The following PCCA variants were observed in gnomAD, a reference collection of about 807,000 sequenced individuals.
The protein encoded by PCCA is propionyl-CoA carboxylase subunit alpha, also known as propionyl-CoA carboxylase alpha chain, mitochondrial.
PCCA carries 74 observed loss-of-function variants against 101.3 expected under a neutral mutation model. The observed-to-expected ratio is 0.73, with a 90% CI of 0.61 to 0.89. The LOEUF is 0.89. PCCA is among the 40% of genes least tolerant of loss of function. PCCA has a pLI of 0.00. For synonymous variants in PCCA, 294 were observed against 313.6 expected, an observed-to-expected ratio of 0.94 and a Z score of 0.66; for missense variants, 891 against 907.0, an observed-to-expected ratio of 0.98 and a Z score of 0.23.
intron 7 of PCCA, among the ~76,000 whole-genome samples, chr13:100,229,890 A>G (rs538299233): frequency 1.3e-5 from 2 of 152,348 alleles, no homozygotes; most frequent in South Asian, 4.1e-4. Flanking sequence ...CATTTCTAAC[A>G]GAAGCCTGTC....
intron 6 of PCCA, among the ~76,000 whole-genome samples, chr13:100,176,855 G>A (rs1444170265): frequency 6.6e-6 from 1 of 152,128 alleles, no homozygotes; most frequent in Non-Finnish European, 1.5e-5. Context: ...GAGAATATTA[G>A]TTTAGTAATG....
chr13:100,132,008 A>G (rs142128518), intron 4 of PCCA, among the ~76,000 whole-genome samples: 3 of 152,278 alleles, frequency 2.0e-5, no homozygotes, highest in Non-Finnish European at 2.9e-5. Flanking sequence ...GGGTGACAAG[A>G]GTTAGGTGAA....
At chr13:100,136,687 C>T (rs1392437407) in intron 4 of PCCA, among the ~76,000 whole-genome samples, 2 of 152,098 alleles carry the variant, frequency 1.3e-5, no homozygotes, top group South Asian at 4.1e-4. Context: ...CCAATTTATG[C>T]ACATAGAATT....
chr13:100,174,276 T>G (rs971591308), intron 6 of PCCA, among the ~76,000 whole-genome samples: 1 of 151,960 alleles, frequency 6.6e-6, no homozygotes, highest in Non-Finnish European at 1.5e-5. Flanking sequence ...GAAATTCTTT[T>G]TTACGAAGCC....
chr13:100,210,834 T>C (rs2059168502), intron 7 of PCCA, among the ~76,000 whole-genome samples: 1 of 152,202 alleles, frequency 6.6e-6, no homozygotes, highest in African/African-American at 2.4e-5. Flanking sequence ...ATTAGAAAAC[T>C]TGCCCCCTAG....
chr13:100,351,823 T>G (rs891058927), intron 18 of PCCA, among the ~76,000 whole-genome samples: 1 of 152,176 alleles, frequency 6.6e-6, no homozygotes, highest in Non-Finnish European at 1.5e-5. Context: ...CAGAACTACC[T>G]AGTCATCTTT....
chr13:100,152,676 G>C (rs2053480538), intron 4 of PCCA, among the ~76,000 whole-genome samples: 2 of 152,118 alleles, frequency 1.3e-5, no homozygotes, highest in Non-Finnish European at 2.9e-5. Flanking sequence ...TCGGTCTCCT[G>C]ACCTCGTGAT....
chr13:100,341,957 G>GTA (rs35822001), intron 18 of PCCA, among the ~76,000 whole-genome samples: 2,250 of 107,120 alleles, frequency 0.021, 91 homozygotes, highest in Non-Finnish European at 0.024. Flanking sequence ...ACCCTTCAAA[G>GTA]TATATATATA....
intron 11 of PCCA, among the ~76,000 whole-genome samples, chr13:100,269,753 TAGTA>T (rs1182287897): frequency 6.6e-5 from 10 of 152,170 alleles, no homozygotes; most frequent in South Asian, 2.1e-4. Flanking sequence ...TTTCTGAAAA[TAGTA>T]AGTGAGAATG....
chr13:100,389,393 G>A (rs1470805278), intron 19 of PCCA, among the ~76,000 whole-genome samples: 1 of 152,160 alleles, frequency 6.6e-6, no homozygotes, highest in African/African-American at 2.4e-5. Context: ...TGCAGGAACA[G>A]AAAACCAAAT....
chr13:100,337,057 C>T (rs1294317791), intron 17 of PCCA, among the ~76,000 whole-genome samples: 1 of 152,182 alleles, frequency 6.6e-6, no homozygotes, highest in Non-Finnish European at 1.5e-5. Flanking sequence ...TTACAGCACT[C>T]TTGGTTTACG....
At chr13:100,418,490 G>C (rs957831874) in intron 19 of PCCA, among the ~76,000 whole-genome samples, 6 of 152,108 alleles carry the variant, frequency 3.9e-5, no homozygotes, top group African/African-American at 1.4e-4. Flanking sequence ...CTCTAGATCT[G>C]ATCACCATGA....
intron 16 of PCCA, among the ~76,000 whole-genome samples, chr13:100,323,238 T>C (rs1476119041): frequency 1.3e-5 from 2 of 152,246 alleles, no homozygotes; most frequent in African/African-American, 2.4e-5. Context: ...CAGGCCATAT[T>C]TTGCCAACCA....
intron 7 of PCCA, among the ~76,000 whole-genome samples, chr13:100,230,692 G>C (rs2060418421): frequency 6.6e-6 from 1 of 152,152 alleles, no homozygotes; most frequent in African/African-American, 2.4e-5. Context: ...GTGTTCATTT[G>C]TTTGTTCATT....
At chr13:100,501,587 C>A (rs1355635487) in intron 21 of PCCA, among the ~76,000 whole-genome samples, 1 of 152,072 alleles carries the variant, frequency 6.6e-6, no homozygotes, top group Non-Finnish European at 1.5e-5. Context: ...GAAATGCAGA[C>A]CCCAGGCCCA....
intron 21 of PCCA, among the ~76,000 whole-genome samples, chr13:100,492,877 T>C (rs1181328238): frequency 1.3e-5 from 2 of 151,600 alleles, no homozygotes; most frequent in Non-Finnish European, 2.9e-5. Flanking sequence ...ATCTTCCCAC[T>C]CTGTCCCCTT....
chr13:100,437,720 G>A (rs2080046727), intron 20 of PCCA, among the ~76,000 whole-genome samples: 1 of 152,086 alleles, frequency 6.6e-6, no homozygotes, highest in African/African-American at 2.4e-5. Context: ...CCAGGCTGGA[G>A]TTCAGTGGCA....
chr13:100,346,073 A>G (rs940735298), intron 18 of PCCA, among the ~76,000 whole-genome samples: 3 of 152,182 alleles, frequency 2.0e-5, no homozygotes, highest in South Asian at 2.1e-4. Context: ...AAGGAGATTA[A>G]TGTTGTTTTC....
At chr13:100,112,576 C>CTT (rs5806149) in intron 4 of PCCA, among the ~76,000 whole-genome samples, 18,549 of 123,830 alleles carry the variant, frequency 0.15, 1,642 homozygotes, top group African/African-American at 0.16. Context: ...CACAGCAGGC[C>CTT]TTTTTTTTTT....
Sources: allele counts gnomAD v4.1 joint callset (sites outside exome capture counted in the v4.1 genomes callset), GRCh38; gene constraint gnomAD v4.1.1; transcripts MANE v1.5; gene names NCBI Gene and HGNC (gene_info 2026-07-23, HGNC 2026-07-21).